Variants in XPOT observed in about 807,000 individuals in gnomAD.
XPOT encodes the protein exportin-T.
XPOT carries 34 observed loss-of-function variants against 128.2 expected under a neutral mutation model. The ratio of observed to expected loss-of-function variants is 0.27; its 90% CI spans 0.20 to 0.35. The LOEUF (loss-of-function observed/expected upper bound fraction) is 0.35, where lower values mean the gene tolerates loss of function less well. XPOT is among the 10% of genes least tolerant of loss of function. XPOT has a pLI of 1.00. For synonymous variants in XPOT, 348 were observed against 394.3 expected (o/e 0.88, Z 1.39); for missense variants, 838 against 1,125.3 (o/e 0.74, Z 3.65).
At chr12:64,415,370 A>T (rs989360306) in intron 3 of XPOT, among the ~76,000 whole-genome samples, 3 of 150,974 alleles carry the variant, frequency 2.0e-5, no homozygotes, top group Non-Finnish European at 4.4e-5. Context: ...TATTTATTTT[A>T]TTATTATTAT....
intron 22 of XPOT, among the ~76,000 whole-genome samples, chr12:64,437,099 T>C (rs2040288892): frequency 6.6e-6 from 1 of 152,040 alleles, no homozygotes; most frequent in African/African-American, 2.4e-5. Context: ...GTGCACTCAT[T>C]TGAACTTGAT....
At position 64,411,758 on chromosome 12, in the gene XPOT, A is replaced by G. The variant is rs967050515; in HGVS notation, c.60+1663A>G. On this transcript the variant is annotated intron_variant, in intron 2 of 24. Coordinates refer to ENST00000332707, the MANE Select transcript of XPOT (RefSeq NM_007235.6). ...GAAGAATGACTGTCTGCCAACCCCA[A>G]TTGCTCAGTTGTCTATCTGTAATTC... Among the ~76,000 whole-genome samples the G allele has an allele frequency of 6.6e-5, 10 of 152,266 alleles. No individual in the cohort carries two copies. The East Asian group carries it at 7.7e-4, about 12-fold the overall frequency.
At chr12:64,408,062 T>G (rs897029404) in intron 1 of XPOT, among the ~76,000 whole-genome samples, 1 of 152,116 alleles carries the variant, frequency 6.6e-6, no homozygotes, top group African/African-American at 2.4e-5. Context: ...ATCCAATTAG[T>G]TTTTTGGCGT....
intron 21 of XPOT, 141 bp downstream of exon 21, chr12:64,435,050 T>C (rs1025219063): frequency 3.0e-6 from 2 of 677,190 alleles, no homozygotes; most frequent in Non-Finnish European, 4.9e-6. Context: ...TTTTTAAAGA[T>C]TTATGATACC....
chr12:64,430,400 T>G, intron 17 of XPOT, 113 bp downstream of exon 17: 1 of 897,066 alleles, frequency 1.1e-6, no homozygotes, highest in Non-Finnish European at 1.7e-6. Flanking sequence ...CAGAGAATTG[T>G]CTAAATCTTT....
intron 15 of XPOT, among the ~76,000 whole-genome samples, chr12:64,427,520 G>A (rs1357134918): frequency 1.3e-5 from 2 of 151,810 alleles, no homozygotes; most frequent in Admixed American, 1.3e-4. Context: ...TTTGAGATGG[G>A]GGTCTCATGC....
intron 5 of XPOT, 103 bp from the exon 6 acceptor site, chr12:64,418,773 C>T: frequency 1.1e-6 from 1 of 891,302 alleles, no homozygotes; most frequent in Non-Finnish European, 1.8e-6. Flanking sequence ...TTATCTGGGC[C>T]ATGTTGACAT....
rs1048472809 is a variant in XPOT, at chr12:64,431,622, C to T, written c.2061C>T (p.Phe687=). 1.2e-6 allele frequency: 2 copies of T among 1,613,818 alleles called. No homozygotes were observed. The highest frequency in any genetic ancestry group is 2.7e-5 in the African/African-American group (2 of 74,922). The stretch of plus-strand genomic sequence containing the variant: ...TTTATCTGGACTGTTTACAGACATT[C>T]TTGCCAGCCCTCAGTTGTCCCTTAC... ...SEVYLDCLQT[F]LPALSCPLQK... Residue 687 remains phenylalanine, a synonymous_variant, in exon 18 of 25, where the codon TTC becomes TTT. Coordinates refer to ENST00000332707, the MANE Select transcript of XPOT (RefSeq NM_007235.6).
chr12:64,426,176 G>A (rs138023471), intron 15 of XPOT, among the ~76,000 whole-genome samples: 2 of 151,768 alleles, frequency 1.3e-5, no homozygotes, highest in African/African-American at 4.8e-5. Flanking sequence ...GCATGGTGGC[G>A]GGTTCCTGTA....
chr12:64,421,313 A>G lies in XPOT; in HGVS notation c.922A>G (p.Lys308Glu), dbSNP rs2040136470. ...ACAGTCATTGATAGTTAGTTGGAGT[A>G]AATTAATTAAGAATGGGGATATTAA... ...MGQSLIVSWS[K>E]LIKNGDIKNA... Residue 308 changes from lysine to glutamate, a missense_variant, in exon 9 of 25, where the codon AAA (lysine) becomes GAA (glutamate). Lys to Glu is a moderately conservative substitution (Grantham distance 56). Coordinates refer to ENST00000332707, the MANE Select transcript of XPOT (RefSeq NM_007235.6). 4 of 1,613,956 alleles carry G rather than the reference A, an allele frequency of 2.5e-6. No homozygotes were observed. In the African/African-American group the frequency reaches 5.3e-5, roughly 22 times the overall value.
rs1592335228 is a variant in XPOT at position 64,430,431 on chromosome 12, T to C, written c.1976+144T>C. 10 of 740,226 alleles carry C rather than the reference T, an allele frequency of 1.4e-5. No homozygotes were observed. The East Asian group carries it at 2.7e-4, about 20-fold the overall frequency. The allele number at this position is 740,226 out of a possible 1,614,324, so 45.9% of individuals were successfully genotyped here. A position where few individuals can be genotyped will look rare whatever the true frequency, so the allele number is the denominator to read the frequency against. On this transcript the variant is annotated intron_variant, in intron 17 of 24. Transcript: ENST00000332707. ...TCTTTGTCCTCCAAATCCAGTCAGT[T>C]AGATTTGGTTGAAGAAGGGGATAGG...
rs1235176279 is a variant in XPOT at position 64,450,941 on chromosome 12, T to C, written c.*2810T>C. The C allele has an allele frequency of 6.6e-6, 1 of 152,230 alleles. No individual in the cohort carries two copies. Among genetic ancestry groups the C allele is most frequent in the Non-Finnish European group, 1.5e-5 (1 of 68,038 alleles). The allele number at this position is 152,230 out of a possible 1,614,324, so 9.4% of individuals were successfully genotyped here. The stretch of plus-strand genomic sequence containing the variant: ...GAAGGCCTGTGGCTCAGTTAATCAC[T>C]CCCACAACTTTGAGCTGTGAGTTTT... On this transcript the variant is annotated 3_prime_UTR_variant, in exon 25 of 25. Transcript: ENST00000332707.
chr12:64,437,132 G>A (rs2040289306), intron 22 of XPOT, among the ~76,000 whole-genome samples: 1 of 152,162 alleles, frequency 6.6e-6, no homozygotes, highest in East Asian at 1.9e-4. Context: ...ATAGAGACTT[G>A]AAGTGTTTTC....
At chr12:64,439,924 A>G (rs2040311577) in intron 23 of XPOT, among the ~76,000 whole-genome samples, 1 of 152,234 alleles carries the variant, frequency 6.6e-6, no homozygotes, top group Non-Finnish European at 1.5e-5. Context: ...TGTAGATTCC[A>G]AAATTTGTTT....
In XPOT at chr12:64,451,018, G is replaced by T. The variant is rs545939691; in HGVS notation, c.*2887G>T. 1 of 152,316 alleles carries T rather than the reference G, an allele frequency of 6.6e-6. No homozygotes were observed. The highest frequency in any genetic ancestry group is 1.9e-4 in the East Asian group (1 of 5,186). 9.4% of individuals were successfully genotyped at this position (152,316 alleles called of 1,614,324 possible). On this transcript the variant is annotated 3_prime_UTR_variant, in exon 25 of 25. Coordinates refer to ENST00000332707, the MANE Select transcript of XPOT (RefSeq NM_007235.6). ...TTCGCTCTTGTCATTAGATATCAAA[G>T]AACTGAAATTAGTTGGAATTGTAAG...
chr12:64,441,445 T>C (rs2040323657), intron 23 of XPOT, among the ~76,000 whole-genome samples: 1 of 152,186 alleles, frequency 6.6e-6, no homozygotes, highest in Non-Finnish European at 1.5e-5. Context: ...CCATACTGTT[T>C]TCACACTGTA....
intron 2 of XPOT, among the ~76,000 whole-genome samples, chr12:64,414,570 ATCC>A (rs1489269395): frequency 6.6e-6 from 1 of 152,082 alleles, no homozygotes. Flanking sequence ...CCCTTAACTC[ATCC>A]TCTGCAATTT....
In XPOT at chr12:64,429,983, CTTTTTCTCATTAAA is replaced by C. The variant is rs1301998360; in HGVS notation, c.1738-64_1738-51del. ...GATTACATTTCCTGTTCCTAATGCA[CTTTTTCTCATTAAA>C]TGAAGGGAACTCAAAAAATAAAAGC... On this transcript the variant is annotated intron_variant, in intron 16 of 24. Transcript: ENST00000332707. 9.2e-6 allele frequency: 13 copies of C among 1,420,020 alleles called. No homozygotes were observed. In the Admixed American group the frequency reaches 2.9e-4, roughly 31 times the overall value. The allele number at this position is 1,420,020 out of a possible 1,614,324, so 88.0% of individuals were successfully genotyped here.
At chr12:64,422,786 C>T (rs1413674554) in intron 9 of XPOT, among the ~76,000 whole-genome samples, 1 of 151,362 alleles carries the variant, frequency 6.6e-6, no homozygotes, top group Non-Finnish European at 1.5e-5. Context: ...CCTGCGGTCC[C>T]AGCTAACTTG....
Sources: allele counts gnomAD v4.1 joint callset (sites outside exome capture counted in the v4.1 genomes callset), GRCh38; gene constraint gnomAD v4.1.1; transcripts MANE v1.5; gene names NCBI Gene and HGNC (gene_info 2026-07-23, HGNC 2026-07-21).